ANXA6: variants seen among roughly 807,000 people sequenced by gnomAD.
ANXA6 encodes the protein 67 kDa calelectrin.
A neutral mutation model predicts 95.4 loss-of-function variants in ANXA6; 71 were observed. The ratio of observed to expected loss-of-function variants is 0.74; its 90% confidence interval spans 0.61 to 0.91. ANXA6 has a LOEUF of 0.91. Ranked by LOEUF, ANXA6 falls within the 40% of genes least tolerant of loss-of-function variation. ANXA6 has a pLI of 0.00. For missense variants in ANXA6, 830 were observed against 876.4 expected (o/e 0.95, Z 0.67); for synonymous variants, 289 against 315.9 (o/e 0.91, Z 0.90).
chr5:151,125,024 T>C (rs10476965), intron 14 of ANXA6, among the ~76,000 whole-genome samples: 65,733 of 152,138 alleles, frequency 0.43, 14,720 homozygotes, highest in Admixed American at 0.58. Flanking sequence ...CCTACAACAG[T>C]GTCTGACATA....
chr5:151,137,895 A>G (rs1765714132), intron 5 of ANXA6, among the ~76,000 whole-genome samples: 3 of 152,228 alleles, frequency 2.0e-5, no homozygotes, highest in African/African-American at 7.2e-5. Flanking sequence ...AGAATGGACT[A>G]AAACACAAAG....
At chr5:151,120,510 A>G (rs531833191) in intron 17 of ANXA6, among the ~76,000 whole-genome samples, 3 of 151,812 alleles carry the variant, frequency 2.0e-5, no homozygotes, top group Non-Finnish European at 4.4e-5. Context: ...TGAGGTCAGG[A>G]GTTCAAGACC....
intron 14 of ANXA6, among the ~76,000 whole-genome samples, chr5:151,124,750 C>T (rs1765270671): frequency 6.6e-6 from 1 of 152,200 alleles, no homozygotes; most frequent in Non-Finnish European, 1.5e-5. Flanking sequence ...CCCGAGGCCC[C>T]CTCTGCCTCT....
Position 151,101,576 on chromosome 5 carries a change from G to A in ANXA6, c.1963-69C>T, listed in dbSNP as rs909788235. ...GTCTCAATGCCCCCTCCTCCCGGCT[G>A]CCCATCTGTCTGGACATCTCCCTCG... On this transcript the variant is annotated intron_variant, in intron 25 of 25. Coordinates refer to ENST00000354546, the MANE Select transcript of ANXA6 (RefSeq NM_001155.5). 2.9e-6 allele frequency: 4 copies of A among 1,401,430 alleles called. No homozygotes were observed. The East Asian group carries it at 1.0e-4, about 35-fold the overall frequency. The allele number at this position is 1,401,430 out of a possible 1,614,324, so 86.8% of individuals were successfully genotyped here. A position where few individuals can be genotyped will look rare whatever the true frequency, so the allele number is the denominator to read the frequency against.
At chr5:151,102,634 G>A (rs1333289552) in intron 25 of ANXA6, among the ~76,000 whole-genome samples, 1 of 152,188 alleles carries the variant, frequency 6.6e-6, no homozygotes, top group Non-Finnish European at 1.5e-5. Context: ...AACCCAGGAG[G>A]TGGACGTTGC....
chr5:151,154,445 T>C (rs558516369), intron 1 of ANXA6, among the ~76,000 whole-genome samples: 46 of 152,200 alleles, frequency 3.0e-4, no homozygotes, highest in Admixed American at 1.3e-3. Context: ...GTCCAATAGT[T>C]TCTTCCTGTA....
chr5:151,132,983 G>C, intron 9 of ANXA6, 111 bp downstream of exon 9: 1 of 837,200 alleles, frequency 1.2e-6, no homozygotes, highest in Non-Finnish European at 1.9e-6. Context: ...TTTGGGTTGG[G>C]AATGAAGTAG....
chr5:151,107,875 GTGTATGTGTCT>G lies in ANXA6; in HGVS notation c.1780+569_1780+579del, dbSNP rs3840311. Reference sequence around the variant, plus strand: ...TGTGTGTGTGTCATCTGCATCTAGCGTGTATGTGTCTTGTATGTGTGTGCATGTGTGCTGCG... The same window carrying G: ...TGTGTGTGTGTCATCTGCATCTAGCGTGTATGTGTGTGCATGTGTGCTGCG... On this transcript the variant is annotated intron_variant, in intron 23 of 25. Transcript: ENST00000354546. 9.4e-3 allele frequency among the ~76,000 whole-genome samples: 1,435 copies of G among 152,206 alleles called. 20 individuals carry two copies. The highest frequency in any genetic ancestry group is 0.054 in the East Asian group (278 of 5,182).
intron 2 of ANXA6, among the ~76,000 whole-genome samples, chr5:151,142,895 C>T (rs931737801): frequency 3.3e-5 from 5 of 152,178 alleles, no homozygotes; most frequent in Non-Finnish European, 5.9e-5. Flanking sequence ...AGGGTCTGTC[C>T]GGGCCCTCTG....
At chr5:151,102,247 A>T (rs1252700719) in intron 25 of ANXA6, among the ~76,000 whole-genome samples, 1 of 152,216 alleles carries the variant, frequency 6.6e-6, no homozygotes, top group Non-Finnish European at 1.5e-5. Flanking sequence ...TTAAAACATA[A>T]TATAGTATCA....
At chr5:151,108,401 A>G in intron 23 of ANXA6, 54 bp downstream of exon 23, 2 of 1,492,226 alleles carry the variant, frequency 1.3e-6, no homozygotes, top group Non-Finnish European at 1.9e-6. Context: ...TCTTCCAGAG[A>G]ATCTGTTCAA....
chr5:151,134,504 CAT>C, intron 7 of ANXA6, 21 bp from the exon 8 acceptor site: 1 of 1,613,758 alleles, frequency 6.2e-7, no homozygotes. Context: ...AGACAAAGAA[CAT>C]GTGTTTCAAA....
chr5:151,155,420 G>A (rs1372005872), intron 1 of ANXA6: 1 of 152,068 alleles, frequency 6.6e-6, no homozygotes, highest in East Asian at 1.9e-4. Flanking sequence ...CAGATAGGCA[G>A]GACATCCAAG....
At chr5:151,112,759 G>A (rs1764887627) in intron 20 of ANXA6, among the ~76,000 whole-genome samples, 1 of 152,198 alleles carries the variant, frequency 6.6e-6, no homozygotes, top group African/African-American at 2.4e-5. Context: ...AGAAGGTGGA[G>A]GTTGCAGTGA....
intron 19 of ANXA6, 77 bp downstream of exon 19, chr5:151,117,681 C>A: frequency 7.8e-7 from 1 of 1,286,580 alleles, no homozygotes; most frequent in South Asian, 1.3e-5. Flanking sequence ...TCCCCTGTGC[C>A]CTCCACTCAG....
chr5:151,106,688 G>A (rs936546393), intron 23 of ANXA6, among the ~76,000 whole-genome samples: 1 of 152,078 alleles, frequency 6.6e-6, no homozygotes, highest in African/African-American at 2.4e-5. Context: ...TGTACTTGAT[G>A]TCCATGCCCC....
At chr5:151,151,789 T>G (rs955189420) in intron 1 of ANXA6, among the ~76,000 whole-genome samples, 3 of 152,214 alleles carry the variant, frequency 2.0e-5, no homozygotes, top group African/African-American at 7.2e-5. Flanking sequence ...ATCACCTTGG[T>G]TGAAAGAGCT....
intron 18 of ANXA6, 126 bp from the exon 19 acceptor site, chr5:151,117,963 T>C: frequency 1.4e-6 from 1 of 717,070 alleles, no homozygotes; most frequent in Non-Finnish European, 2.4e-6. Context: ...GATGAAAGGG[T>C]TTGTAACTGG....
chr5:151,149,022 T>TA (rs1213626929), intron 1 of ANXA6, among the ~76,000 whole-genome samples: 13 of 137,808 alleles, frequency 9.4e-5, no homozygotes, highest in Non-Finnish European at 1.9e-4. Context: ...TAAAAAAAAA[T>TA]AAAAAAAAAA....
Sources: allele counts gnomAD v4.1 joint callset (sites outside exome capture counted in the v4.1 genomes callset), GRCh38; gene constraint gnomAD v4.1.1; transcripts MANE v1.5; gene names NCBI Gene and HGNC (gene_info 2026-07-23, HGNC 2026-07-21).